Variants in NCALD observed in about 807,000 individuals in gnomAD.
The protein encoded by NCALD is neurocalcin delta, also known as neurocalcin-delta.
In NCALD, 10 loss-of-function variants were observed where a neutral mutation model predicts 18.6. That is an observed-to-expected ratio of 0.54 (90% CI 0.33 to 0.91). The LOEUF is 0.91. NCALD is among the 40% of genes least tolerant of loss of function. The probability of loss-of-function intolerance (pLI) is 0.03; values close to 1 mark genes in which losing one functional copy is unlikely to be tolerated. For missense variants in NCALD, 184 were observed against 247.6 expected (o/e 0.74, Z 1.72); for synonymous variants, 88 against 87.4 (o/e 1.01, Z -0.04).
intron 1 of NCALD, among the ~76,000 whole-genome samples, chr8:101,779,081 T>G (rs1811910352): frequency 6.6e-6 from 1 of 152,126 alleles, no homozygotes; most frequent in South Asian, 2.1e-4. Flanking sequence ...AAAATTGTGA[T>G]GGAAAGTAAT....
At chr8:101,981,989 C>A (rs948878974) in intron 2 of NCALD, among the ~76,000 whole-genome samples, 2 of 152,046 alleles carry the variant, frequency 1.3e-5, no homozygotes, top group African/African-American at 4.8e-5. Flanking sequence ...TGAGTTCTCC[C>A]GCTGAGTTCA....
intron 2 of NCALD, among the ~76,000 whole-genome samples, chr8:101,989,831 T>C (rs1021940091): frequency 6.6e-6 from 1 of 152,234 alleles, no homozygotes; most frequent in Non-Finnish European, 1.5e-5. Context: ...CCTCTCGTTC[T>C]CCTGGTTATA....
intron 4 of NCALD, among the ~76,000 whole-genome samples, chr8:101,865,235 T>C (rs940915682): frequency 5.9e-5 from 9 of 152,302 alleles, no homozygotes; most frequent in African/African-American, 1.9e-4. Flanking sequence ...CTCAATCAAT[T>C]TTATACCAAG....
intron 2 of NCALD, among the ~76,000 whole-genome samples, chr8:101,970,489 C>T (rs1049305474): frequency 6.6e-6 from 1 of 152,076 alleles, no homozygotes; most frequent in African/African-American, 2.4e-5. Flanking sequence ...TTTGTGGCCC[C>T]AACCCAAAAA....
chr8:101,801,116 C>CAAAG (rs1182204244), intron 4 of NCALD, among the ~76,000 whole-genome samples: 1 of 151,488 alleles, frequency 6.6e-6, no homozygotes, highest in Admixed American at 6.6e-5. Flanking sequence ...GAGAAAGAAA[C>CAAAG]AAAGAAAGAA....
intron 1 of NCALD, among the ~76,000 whole-genome samples, chr8:102,038,849 G>T (rs1449300181): frequency 6.6e-6 from 1 of 152,082 alleles, no homozygotes; most frequent in African/African-American, 2.4e-5. Flanking sequence ...AAATTATATG[G>T]CAAATGGTGA....
chr8:101,716,134 A>G (rs1022629405), intron 2 of NCALD, among the ~76,000 whole-genome samples: 1 of 152,262 alleles, frequency 6.6e-6, no homozygotes, highest in African/African-American at 2.4e-5. Context: ...AATACTATGT[A>G]GCCACAAAAA....
At chr8:101,700,047 T>TA (rs1302509943) in intron 2 of NCALD, among the ~76,000 whole-genome samples, 2 of 151,746 alleles carry the variant, frequency 1.3e-5, no homozygotes, top group Non-Finnish European at 2.9e-5. Context: ...TTTATTTATT[T>TA]ATTTATTTAT....
At chr8:101,807,635 C>T (rs1215236514) in intron 4 of NCALD, among the ~76,000 whole-genome samples, 1 of 152,068 alleles carries the variant, frequency 6.6e-6, no homozygotes, top group Admixed American at 6.6e-5. Flanking sequence ...GAAAGCAAAA[C>T]CAACATCTGA....
At chr8:101,843,944 A>G (rs1814758416) in intron 4 of NCALD, among the ~76,000 whole-genome samples, 1 of 152,246 alleles carries the variant, frequency 6.6e-6, no homozygotes, top group Non-Finnish European at 1.5e-5. Context: ...AATAAAGTAC[A>G]GAGAAAAAAT....
At chr8:102,056,729 CT>C (rs1438852662) in intron 1 of NCALD, among the ~76,000 whole-genome samples, 1 of 152,230 alleles carries the variant, frequency 6.6e-6, no homozygotes, top group Non-Finnish European at 1.5e-5. Flanking sequence ...CTTAAAGTCT[CT>C]TTAGAGAAAG....
At chr8:101,875,524 G>C (rs1021377978) in intron 4 of NCALD, among the ~76,000 whole-genome samples, 4 of 152,160 alleles carry the variant, frequency 2.6e-5, no homozygotes, top group Non-Finnish European at 5.9e-5. Flanking sequence ...GTTTTTGCTA[G>C]ATTTCCATGA....
At chr8:101,913,609 T>G (rs1183620637) in intron 3 of NCALD, among the ~76,000 whole-genome samples, 2 of 152,194 alleles carry the variant, frequency 1.3e-5, no homozygotes, top group Non-Finnish European at 2.9e-5. Flanking sequence ...TGGGACAGAG[T>G]TTCGCTCTTG....
At chr8:101,705,311 G>T (rs1055103134) in intron 2 of NCALD, among the ~76,000 whole-genome samples, 35 of 151,780 alleles carry the variant, frequency 2.3e-4, no homozygotes, top group African/African-American at 8.4e-4. Flanking sequence ...AAGATTTTAG[G>T]CAGGAGAGAA....
At chr8:101,829,427 T>G (rs2131234530) in intron 4 of NCALD, among the ~76,000 whole-genome samples, 1 of 152,358 alleles carries the variant, frequency 6.6e-6, no homozygotes, top group Admixed American at 6.5e-5. Context: ...GGTCTTGTTT[T>G]TATAAAGTTA....
intron 4 of NCALD, among the ~76,000 whole-genome samples, chr8:101,824,382 C>G (rs987978811): frequency 6.6e-6 from 1 of 152,126 alleles, no homozygotes; most frequent in Non-Finnish European, 1.5e-5. Context: ...GAGAAAACCA[C>G]CATACTGGGG....
At chr8:101,831,915 G>A (rs1171321076) in intron 4 of NCALD, among the ~76,000 whole-genome samples, 2 of 152,184 alleles carry the variant, frequency 1.3e-5, no homozygotes, top group South Asian at 2.1e-4. Context: ...CTGTTCCCAC[G>A]AAGCAGCCAT....
At chr8:101,943,389 G>A (rs1285692725) in intron 2 of NCALD, among the ~76,000 whole-genome samples, 1 of 152,134 alleles carries the variant, frequency 6.6e-6, no homozygotes, top group African/African-American at 2.4e-5. Flanking sequence ...GGGCTGATTA[G>A]GACTAAAAAG....
chr8:101,891,983 A>T (rs12896803), intron 3 of NCALD, among the ~76,000 whole-genome samples: 1 of 152,224 alleles, frequency 6.6e-6, no homozygotes, highest in Non-Finnish European at 1.5e-5. Flanking sequence ...CAAAGCAGCC[A>T]GGAAGCTCGA....
Sources: gnomAD v4.1 joint callset for allele counts (sites outside exome capture counted in the v4.1 genomes callset) on GRCh38, gnomAD v4.1.1 for gene constraint, MANE v1.5 for transcripts, NCBI Gene and HGNC (gene_info 2026-07-23, HGNC 2026-07-21) for gene names.